The following ABCG1 variants were observed in gnomAD, a reference collection of about 807,000 sequenced individuals.
The protein encoded by ABCG1 is ATP binding cassette subfamily G member 1.
ABCG1 carries 29 observed loss-of-function variants against 69.2 expected under a neutral mutation model. That is an observed-to-expected ratio of 0.42 (90% CI 0.31 to 0.57). The LOEUF (loss-of-function observed/expected upper bound fraction) is 0.57. Among genes scored for constraint, ABCG1 ranks in the 20% least tolerant of loss-of-function variants. ABCG1 has a pLI of 0.15. For missense variants in ABCG1, 718 were observed against 898.1 expected, an observed-to-expected ratio of 0.80 and a Z score of 2.56; for synonymous variants, 370 against 374.8, an observed-to-expected ratio of 0.99 and a Z score of 0.15.
At chr21:42,269,939 T>TTAACAGTGGATTCTGATCTGATACTACAC (rs1263466918) in intron 2 of ABCG1, among the ~76,000 whole-genome samples, 4 of 152,250 alleles carry the variant, frequency 2.6e-5, no homozygotes, top group Non-Finnish European at 5.9e-5. Flanking sequence ...TCTTGATCAT[T>TTAACAGTGGATTCTGATCTGATACTACAC]TAACAGTGGA....
At chr21:42,266,077 G>A (rs1006259643) in intron 2 of ABCG1, among the ~76,000 whole-genome samples, 6 of 152,096 alleles carry the variant, frequency 3.9e-5, no homozygotes, top group South Asian at 2.1e-4. Context: ...CCACGTGGGC[G>A]GATCACGAGG....
At chr21:42,283,463 C>T (rs1419456220) in intron 6 of ABCG1, among the ~76,000 whole-genome samples, 1 of 152,130 alleles carries the variant, frequency 6.6e-6, no homozygotes, top group Non-Finnish European at 1.5e-5. Flanking sequence ...GAAGAGAGGT[C>T]CCCCCAGGAC....
chr21:42,274,690 G>T lies in ABCG1; in HGVS notation c.537+1255G>T, dbSNP rs182062613. 5.1e-3 allele frequency among the ~76,000 whole-genome samples: 769 copies of T among 152,188 alleles called. 3 individuals carry two copies. The highest frequency in any genetic ancestry group is 7.7e-3 in the Non-Finnish European group (525 of 68,008). ...GGGTTTCACTATGTTGGCCAGGCTG[G>T]TCTTGAACTCCTGACCTCGTGATCT... On this transcript the variant is annotated intron_variant, in intron 4 of 14. Coordinates refer to ENST00000398449, the MANE Select transcript of ABCG1 (RefSeq NM_016818.3).
chr21:42,268,362 GGTGT>G (rs1555957893), intron 2 of ABCG1, among the ~76,000 whole-genome samples: 18 of 147,696 alleles, frequency 1.2e-4, no homozygotes, highest in East Asian at 1.0e-3. Flanking sequence ...TAGAGGTAGG[GGTGT>G]GTGTGTGTGT....
At chr21:42,234,940 G>C (rs933078812) in intron 2 of ABCG1, among the ~76,000 whole-genome samples, 3 of 152,038 alleles carry the variant, frequency 2.0e-5, no homozygotes, top group African/African-American at 7.2e-5. Flanking sequence ...GCGGCGGCGC[G>C]GGGAGCGGCG....
intron 2 of ABCG1, among the ~76,000 whole-genome samples, chr21:42,207,768 T>C (rs371088630): frequency 5.9e-5 from 9 of 152,348 alleles, no homozygotes; most frequent in East Asian, 3.9e-4. Context: ...ATTTGGCCTC[T>C]ACTGATACCT....
In ABCG1 at chr21:42,256,576, C is replaced by A. The variant is rs1431154207; in HGVS notation, c.287-14494C>A. 2.6e-6 allele frequency: 4 copies of A among 1,528,682 alleles called. No homozygotes were observed. The East Asian group carries it at 9.9e-5, about 38-fold the overall frequency. 94.7% of individuals were successfully genotyped at this position (1,528,682 alleles called of 1,614,324 possible). A position where few individuals can be genotyped will look rare whatever the true frequency, so the allele number is the denominator to read the frequency against. On this transcript the variant is annotated intron_variant, in intron 2 of 14. Transcript: ENST00000398449. The stretch of plus-strand genomic sequence containing the variant: ...CATCTGCATTCTCTGGGACACTGAC[C>A]CATGAAGAGAAAGCAGTTCTCACAG...
intron 2 of ABCG1, among the ~76,000 whole-genome samples, chr21:42,264,573 A>T (rs1416043860): frequency 6.8e-6 from 1 of 146,264 alleles, no homozygotes; most frequent in African/African-American, 2.8e-5. Flanking sequence ...TTGAGTATCT[A>T]CACTGGGCCA....
chr21:42,219,105 C>T (rs894494259), upstream of ABCG1: 5 of 611,320 alleles, frequency 8.2e-6, no homozygotes, highest in Non-Finnish European at 1.1e-5. The surrounding 1 kb of genome is among the most constrained non-coding windows in gnomAD (Gnocchi z 5.3). Context: ...CGGGGTCGGG[C>T]GCGCTGGAAC....
intron 1 of ABCG1, chr21:42,220,141 C>A: frequency 1.8e-6 from 2 of 1,120,890 alleles, no homozygotes; most frequent in South Asian, 2.9e-5. Context: ...CCCCAGCCAC[C>A]CACCTCACCT....
At position 42,225,723 on chromosome 21, in the gene ABCG1, C is replaced by G; in HGVS notation, c.95C>G (p.Ser32Trp). 6.2e-7 allele frequency: 1 copy of G among 1,613,802 alleles called. No individual in the cohort carries two copies. The highest frequency in any genetic ancestry group is 1.1e-5 in the South Asian group (1 of 91,046). The change falls in exon 2 of 15, where the codon TCG becomes TGG. Residue 32 changes from serine to tryptophan, a missense_variant. Physicochemically the swap from Ser to Trp is radical, Grantham distance 177. This residue lies in a region of ABCG1 where 514 missense variants were observed against 574.3 expected (regional missense o/e 0.90). Transcript: ENST00000398449. ...ACGGAGCCCAAGTCGGTGTGTGTCT[C>G]GGTGGATGAGGTGGTGTCCAGCAAC... The part of the protein sequence containing the change: ...EMTEPKSVCV[S>W]VDEVVSSNME...
At chr21:42,208,021 T>C (rs949096949) in intron 2 of ABCG1, among the ~76,000 whole-genome samples, 1 of 152,202 alleles carries the variant, frequency 6.6e-6, no homozygotes, top group Non-Finnish European at 1.5e-5. Flanking sequence ...GAGTAAGAGT[T>C]GGTTTATGTG....
chr21:42,280,719 G>A (rs377196385), intron 5 of ABCG1, among the ~76,000 whole-genome samples: 65 of 152,326 alleles, frequency 4.3e-4, no homozygotes, highest in African/African-American at 1.5e-3. Context: ...CTCCGTGAGG[G>A]TGGAGGGAGA....
chr21:42,258,071 C>T (rs9979677), intron 2 of ABCG1, among the ~76,000 whole-genome samples: 4 of 88,424 alleles, frequency 4.5e-5, no homozygotes, highest in African/African-American at 1.6e-4. Context: ...CCTCTTCATC[C>T]ACTCCATCCA....
Position 42,287,111 on chromosome 21 carries a change from C to T in ABCG1, c.974-778C>T, listed in dbSNP as rs2068956132. Among the ~76,000 whole-genome samples, 1 of 152,130 alleles carries T rather than the reference C, an allele frequency of 6.6e-6. No individual in the cohort carries two copies. Among genetic ancestry groups the T allele is most frequent in the Admixed American group, 6.5e-5 (1 of 15,272 alleles). Reference sequence around the variant, plus strand: ...GCTTTGGGCCTTAGCAAGAACGTTACTGGAGTGGGAGGCAAGGCATCGCAC... The same window carrying T: ...GCTTTGGGCCTTAGCAAGAACGTTATTGGAGTGGGAGGCAAGGCATCGCAC... On this transcript the variant is annotated intron_variant, in intron 8 of 14. Transcript: ENST00000398449. This position sits in a 1 kb window ranked among gnomAD's most constrained non-coding sequence, Gnocchi z 6.2.
chr21:42,265,829 G>C (rs752795101), intron 2 of ABCG1, among the ~76,000 whole-genome samples: 1 of 152,182 alleles, frequency 6.6e-6, no homozygotes, highest in Non-Finnish European at 1.5e-5. Flanking sequence ...ACAGTCAGTG[G>C]TGTCCTGCCG....
Position 42,296,197 on chromosome 21 carries a change from T to C in ABCG1, c.1806T>C (p.Tyr602=). ...TCGAAGGGGTCATCCTCTCCATCTATGGCTTAGACCGGGAAGATCTGCACT... is the reference window on the plus strand; with the variant it reads ...TCGAAGGGGTCATCCTCTCCATCTACGGCTTAGACCGGGAAGATCTGCACT... The part of the protein sequence containing the change: ...YGFEGVILSI[Y]GLDREDLHCD... Residue 602 remains tyrosine, a synonymous_variant, in exon 15 of 15, where the codon TAT becomes TAC. Transcript: ENST00000398449. The surrounding 1 kb of genome is among the most constrained non-coding windows in gnomAD (Gnocchi z 5.4). 6.2e-7 allele frequency: 1 copy of C among 1,614,092 alleles called. No individual in the cohort carries two copies. The highest frequency in any genetic ancestry group is 8.5e-7 in the Non-Finnish European group (1 of 1,180,000).
chr21:42,208,448 G>A (rs2123468730), intron 2 of ABCG1, among the ~76,000 whole-genome samples: 1 of 152,250 alleles, frequency 6.6e-6, no homozygotes, highest in South Asian at 2.1e-4. Context: ...GTGCTTAGAG[G>A]GAGAAGTAGG....
chr21:42,297,182 A>T lies in ABCG1; in HGVS notation c.*790A>T, dbSNP rs537406532. ...TGAGAAGACATTGGCCAACTCTTTC[A>T]AAGTCTTTCTTTTTCCACGTGCTTC... is the stretch of plus-strand genomic sequence containing the variant. On this transcript the variant is annotated 3_prime_UTR_variant, in exon 15 of 15. Transcript: ENST00000398449. 1 of 152,344 alleles carries T rather than the reference A, an allele frequency of 6.6e-6. No homozygotes were observed. Among genetic ancestry groups the T allele is most frequent in the Admixed American group, 6.5e-5 (1 of 15,310 alleles). 9.4% of individuals were successfully genotyped at this position (152,344 alleles called of 1,614,324 possible).
Sources: gnomAD v4.1 joint callset for allele counts (sites outside exome capture counted in the v4.1 genomes callset) on GRCh38, gnomAD v4.1.1 for gene constraint, gnomAD v4.1.1 regional missense constraint, Gnocchi (gnomAD v3.1) non-coding constraint, MANE v1.5 for transcripts, NCBI Gene and HGNC (gene_info 2026-07-23, HGNC 2026-07-21) for gene names.